FAM81A: variants seen among roughly 807,000 people sequenced by gnomAD.
FAM81A encodes the protein protein FAM81A.
In FAM81A, 19 loss-of-function variants were observed where a neutral mutation model predicts 46.7. That is an observed-to-expected ratio of 0.41 (90% CI 0.28 to 0.60). The LOEUF is 0.60. Ranked by LOEUF, FAM81A falls within the 20% of genes least tolerant of loss-of-function variation. The pLI, the probability that FAM81A is intolerant of heterozygous loss-of-function variation, is 0.34. For missense variants in FAM81A, 377 were observed against 453.5 expected, an observed-to-expected ratio of 0.83 and a Z score of 1.53; for synonymous variants, 183 against 152.9, an observed-to-expected ratio of 1.20 and a Z score of -1.45.
intron 3 of FAM81A, among the ~76,000 whole-genome samples, chr15:59,462,546 T>C (rs1189684112): frequency 6.6e-6 from 1 of 152,214 alleles, no homozygotes; most frequent in Non-Finnish European, 1.5e-5. Context: ...CCATTTTAAG[T>C]GTATAATCTA....
intron 2 of FAM81A, among the ~76,000 whole-genome samples, chr15:59,419,037 G>A (rs1596463148): frequency 2.0e-5 from 3 of 152,202 alleles, no homozygotes; most frequent in Admixed American, 1.3e-4. Context: ...TTCATCCTAA[G>A]TTGTAGAAAT....
chr15:59,404,264 C>T (rs917172265), intron 2 of FAM81A, among the ~76,000 whole-genome samples: 3 of 151,996 alleles, frequency 2.0e-5, no homozygotes, highest in Admixed American at 1.3e-4. Context: ...CACCTATACA[C>T]GAGGCCTAAG....
At chr15:59,476,642 T>A (rs935504363) in intron 3 of FAM81A, among the ~76,000 whole-genome samples, 1 of 151,652 alleles carries the variant, frequency 6.6e-6, no homozygotes, top group Non-Finnish European at 1.5e-5. Flanking sequence ...ATATAAAAAT[T>A]AGCTGGGCCT....
rs528632339 is a variant in FAM81A, at chr15:59,514,242, T to A, written c.651-47T>A. 23 of 1,487,254 alleles carry A rather than the reference T, an allele frequency of 1.5e-5. No individual in the cohort carries two copies. In the South Asian group the frequency reaches 2.1e-4, roughly 14 times the overall value. The allele number at this position is 1,487,254 out of a possible 1,614,324, so 92.1% of individuals were successfully genotyped here. A position where few individuals can be genotyped will look rare whatever the true frequency, so the allele number is the denominator to read the frequency against. The stretch of plus-strand genomic sequence containing the variant: ...ACCCTGGAACTTAAAATAAAAAAAA[T>A]AAAAAATAAACTGTTTTACATCTAA... On this transcript the variant is annotated intron_variant, in intron 6 of 8. Coordinates refer to ENST00000288228, the MANE Select transcript of FAM81A (RefSeq NM_152450.3).
At chr15:59,421,730 T>C (rs1317036761) in intron 2 of FAM81A, among the ~76,000 whole-genome samples, 1 of 96,902 alleles carries the variant, frequency 1.0e-5, no homozygotes, top group African/African-American at 4.5e-5. Flanking sequence ...TGTCTGTCTG[T>C]CTATCTATCT....
At chr15:59,504,727 T>C (rs1402478554) in intron 4 of FAM81A, among the ~76,000 whole-genome samples, 2 of 152,202 alleles carry the variant, frequency 1.3e-5, no homozygotes, top group African/African-American at 4.8e-5. Context: ...TTTGTACTTA[T>C]TCTTGGATGA....
At chr15:59,482,321 G>T (rs2081863133) in intron 3 of FAM81A, among the ~76,000 whole-genome samples, 1 of 152,166 alleles carries the variant, frequency 6.6e-6, no homozygotes, top group African/African-American at 2.4e-5. Flanking sequence ...CAGGCTGGAG[G>T]ACAATGGTGT....
chr15:59,437,471 G>T (rs2081251300), upstream of FAM81A, among the ~76,000 whole-genome samples: 3 of 152,060 alleles, frequency 2.0e-5, no homozygotes, highest in African/African-American at 7.2e-5. Context: ...AAAGAGCCAG[G>T]ACGCGCTGGG....
intron 4 of FAM81A, among the ~76,000 whole-genome samples, chr15:59,502,583 G>A (rs147472522): frequency 0.015 from 2,206 of 150,076 alleles, 21 homozygotes; most frequent in Non-Finnish European, 0.023. Context: ...GCGCGATCTC[G>A]GCTCACTGCA....
At chr15:59,423,258 C>T (rs1378111185) in intron 2 of FAM81A, among the ~76,000 whole-genome samples, 1 of 152,120 alleles carries the variant, frequency 6.6e-6, no homozygotes, top group Non-Finnish European at 1.5e-5. Context: ...GCCAACACGC[C>T]TGGCTAATTT....
At chr15:59,410,030 T>C (rs2141537108) in intron 2 of FAM81A, among the ~76,000 whole-genome samples, 1 of 152,246 alleles carries the variant, frequency 6.6e-6, no homozygotes, top group South Asian at 2.1e-4. Flanking sequence ...GGCCGGGCAT[T>C]GTGGCTCACG....
chr15:59,411,048 C>T (rs1408122711), intron 2 of FAM81A, among the ~76,000 whole-genome samples: 1 of 152,200 alleles, frequency 6.6e-6, no homozygotes, highest in Non-Finnish European at 1.5e-5. Context: ...CCGCGCCAGG[C>T]CCAGATGTTT....
intron 3 of FAM81A, among the ~76,000 whole-genome samples, chr15:59,482,896 A>G (rs2081871577): frequency 6.6e-6 from 1 of 152,128 alleles, no homozygotes; most frequent in South Asian, 2.1e-4. Flanking sequence ...TTGTCTTGCA[A>G]GAATGTATTC....
At chr15:59,407,185 A>T (rs2081099080) in intron 2 of FAM81A, 1 of 155,496 alleles carries the variant, frequency 6.4e-6, no homozygotes, top group African/African-American at 2.4e-5. Flanking sequence ...TGGACTAGAC[A>T]TCCCAGTCTT....
chr15:59,466,440 A>G (rs1462923744), intron 3 of FAM81A, among the ~76,000 whole-genome samples: 1 of 152,138 alleles, frequency 6.6e-6, no homozygotes, highest in African/African-American at 2.4e-5. Flanking sequence ...TTTGATTTGC[A>G]CTTCTGTGAT....
intron 1 of FAM81A, among the ~76,000 whole-genome samples, chr15:59,457,058 G>C (rs2081493671): frequency 6.6e-6 from 1 of 152,194 alleles, no homozygotes; most frequent in Non-Finnish European, 1.5e-5. Flanking sequence ...AAGATTCTAT[G>C]ATTCTAAATA....
chr15:59,398,812 AGTGCAAAACTTCACCATCCCTAGGGT>A (rs1895895777), intron 1 of FAM81A, among the ~76,000 whole-genome samples: 1 of 144,054 alleles, frequency 6.9e-6, no homozygotes, highest in Non-Finnish European at 1.5e-5. Flanking sequence ...GTCTCTTTCT[AGTGCAAAACTTCACCATCCCTAGGGT>A]GTGGTCTATG....
chr15:59,437,273 G>T (rs1297505141), upstream of FAM81A, among the ~76,000 whole-genome samples: 1 of 152,142 alleles, frequency 6.6e-6, no homozygotes, highest in African/African-American at 2.4e-5. Context: ...CTGGGGCGGG[G>T]TGGGGGAGAC....
intron 4 of FAM81A, among the ~76,000 whole-genome samples, chr15:59,498,009 A>G (rs1292661021): frequency 6.6e-6 from 1 of 152,156 alleles, no homozygotes; most frequent in Non-Finnish European, 1.5e-5. Flanking sequence ...GGCATGTGCC[A>G]CCACATCTGA....
Sources: gnomAD v4.1 joint callset for allele counts (sites outside exome capture counted in the v4.1 genomes callset) on GRCh38, gnomAD v4.1.1 for gene constraint, MANE v1.5 for transcripts, NCBI Gene and HGNC (gene_info 2026-07-23, HGNC 2026-07-21) for gene names.